AFF2: variants seen among roughly 807,000 people sequenced by gnomAD.
The protein encoded by AFF2 is ALF transcription elongation factor 2, also known as AF4/FMR2 family member 2.
Under a neutral mutation model 76.9 loss-of-function variants are expected in AFF2, and 14 were observed. The ratio of observed to expected loss-of-function variants is 0.18; its 90% confidence interval spans 0.12 to 0.28. The LOEUF (loss-of-function observed/expected upper bound fraction) is 0.28, where lower values mean the gene tolerates loss of function less well. Among genes scored for constraint, AFF2 ranks in the 10% least tolerant of loss-of-function variants. AFF2 has a pLI of 1.00. For missense variants in AFF2, 868 were observed against 1,001.1 expected (o/e 0.87, Z 1.79); for synonymous variants, 398 against 366.7 (o/e 1.09, Z -0.98).
chrX:148,722,437 C>A (rs781863736), intron 3 of AFF2, among the ~76,000 whole-genome samples: 1 of 109,996 alleles, frequency 9.1e-6, no homozygotes, highest in East Asian at 2.9e-4. Flanking sequence ...CACTCAGGCT[C>A]GCAAGAACTC....
chrX:148,958,100 ACAGAGGTT>A (rs1474309943), intron 11 of AFF2, among the ~76,000 whole-genome samples: 1 of 111,846 alleles, frequency 8.9e-6, no homozygotes, highest in Non-Finnish European at 1.9e-5. Context: ...CAGTCTTTAC[ACAGAGGTT>A]CAGATCACAC....
intron 7 of AFF2, among the ~76,000 whole-genome samples, chrX:148,863,860 A>T (rs1456782615): frequency 8.9e-6 from 1 of 111,860 alleles, no homozygotes; most frequent in Non-Finnish European, 1.9e-5. Flanking sequence ...GAGAAGATAA[A>T]TTAAATTCTT....
chrX:148,872,336 G>C (rs1455411144), intron 7 of AFF2, among the ~76,000 whole-genome samples: 1 of 111,232 alleles, frequency 9.0e-6, no homozygotes, highest in Admixed American at 9.6e-5. Context: ...CTACAGATTT[G>C]CCTGTTTTAG....
Position 148,956,570 on chromosome X carries a change from C to G in AFF2, c.2525C>G (p.Thr842Arg). 8.3e-7 allele frequency: 1 copy of G among 1,211,793 alleles called. No individual in the cohort carries two copies. Among genetic ancestry groups the G allele is most frequent in the Non-Finnish European group, 1.1e-6 (1 of 895,522 alleles). The change falls in exon 11 of 21, where the codon ACA (threonine) becomes AGA (arginine). Residue 842 changes from threonine to arginine, a missense_variant. This residue lies in a region of AFF2 where 532 missense variants were observed against 564.2 expected (regional missense o/e 0.94). Coordinates refer to ENST00000370460, the MANE Select transcript of AFF2 (RefSeq NM_002025.4). ...AAACCCAAGCGTCAGACAGCTGTCA[C>G]AGCTGTGGAGAAACCAGCCCCTAAG... ...ATKPKRQTAV[T>R]AVEKPAPKGK...
At chrX:148,663,925 T>C (rs1557258163) in intron 3 of AFF2, among the ~76,000 whole-genome samples, 1 of 112,152 alleles carries the variant, frequency 8.9e-6, no homozygotes. Context: ...ATTTTCTGAA[T>C]GTATGTTTTT....
In AFF2 at chrX:148,662,441, A is replaced by T; in HGVS notation, c.714A>T (p.Ser238=). 1 of 1,211,855 alleles carries T rather than the reference A, an allele frequency of 8.3e-7. No homozygotes were observed. The change falls in exon 3 of 21, where the codon TCA becomes TCT. Residue 238 remains serine (S), a synonymous_variant. Coordinates refer to ENST00000370460, the MANE Select transcript of AFF2 (RefSeq NM_002025.4). The part of the protein sequence containing the change: ...DAFKEIFQSN[S]PEESEFAVQA... ...TCAAAGAAATCTTTCAATCCAATTC[A>T]CCGGAAGAATCTGAATTCGCCGTGC...
intron 1 of AFF2, among the ~76,000 whole-genome samples, chrX:148,647,616 A>G (rs181989250): frequency 1.8e-5 from 2 of 111,594 alleles, no homozygotes; most frequent in African/African-American, 3.3e-5. Flanking sequence ...ATGCAGTCCT[A>G]AGGAAAGGTG....
At chrX:148,719,266 A>C in intron 3 of AFF2, 1 of 1,061,829 alleles carries the variant, frequency 9.4e-7, no homozygotes, top group African/African-American at 1.8e-5. Flanking sequence ...AAGGTCTACA[A>C]TCAGCCAAAG....
At chrX:148,985,133 T>C (rs994829661) in intron 19 of AFF2, among the ~76,000 whole-genome samples, 25 of 108,158 alleles carry the variant, frequency 2.3e-4, no homozygotes, top group East Asian at 1.8e-3. Flanking sequence ...TACAGGCGTG[T>C]GCCACCATGC....
intron 9 of AFF2, among the ~76,000 whole-genome samples, chrX:148,916,196 C>CTTTTTTTTTTTTTTTTTTTTTTT (rs782508166): frequency 2.9e-5 from 1 of 34,038 alleles, no homozygotes; most frequent in African/African-American, 1.2e-4. Flanking sequence ...GTGGTTTTAA[C>CTTTTTTTTTTTTTTTTTTTTTTT]TTTTTTTTTT....
In AFF2 at chrX:148,652,119, G is replaced by A. The variant is rs782665049; in HGVS notation, c.168G>A (p.Lys56=). 8.4e-7 allele frequency: 1 copy of A among 1,196,709 alleles called. No individual in the cohort carries two copies. Among genetic ancestry groups the A allele is most frequent in the East Asian group, 3.0e-5 (1 of 33,716 alleles). Residue 56 remains lysine (K), a synonymous_variant, in exon 2 of 21, where the codon AAG becomes AAA. Coordinates refer to ENST00000370460, the MANE Select transcript of AFF2 (RefSeq NM_002025.4). ...SGFDLFGEPY[K]VAEYTNKGDA... Reference sequence around the variant, plus strand: ...TTGATCTTTTTGGGGAGCCATACAAGGTAGCTGAATATGTATGTAATTTTT... The same window carrying A: ...TTGATCTTTTTGGGGAGCCATACAAAGTAGCTGAATATGTATGTAATTTTT...
chrX:148,591,773 TAAAGTG>T (rs2053524452), intron 1 of AFF2, among the ~76,000 whole-genome samples: 1 of 112,252 alleles, frequency 8.9e-6, no homozygotes, highest in Non-Finnish European at 1.9e-5. Flanking sequence ...ACTTGGCAAA[TAAAGTG>T]AAACACTTTT....
chrX:148,862,729 C>A (rs976007855), intron 7 of AFF2, among the ~76,000 whole-genome samples: 2 of 112,364 alleles, frequency 1.8e-5, no homozygotes, highest in Non-Finnish European at 1.9e-5. Context: ...AAAGCAAATA[C>A]GTTTCTGTGT....
chrX:148,620,054 A>G (rs1293381987), intron 1 of AFF2, among the ~76,000 whole-genome samples: 1 of 111,813 alleles, frequency 8.9e-6, no homozygotes, highest in Non-Finnish European at 1.9e-5. Context: ...GAATGTCGAT[A>G]ACATGAGCGT....
chrX:148,529,178 T>A (rs1267228212), intron 1 of AFF2, among the ~76,000 whole-genome samples: 1 of 112,156 alleles, frequency 8.9e-6, no homozygotes, highest in Non-Finnish European at 1.9e-5. Context: ...ACCAGTGTGA[T>A]GTCCAGGACA....
At chrX:148,506,363 G>A (rs1433631891) in intron 1 of AFF2, among the ~76,000 whole-genome samples, 1 of 111,594 alleles carries the variant, frequency 9.0e-6, no homozygotes, top group Non-Finnish European at 1.9e-5. Context: ...CATTTTTTGT[G>A]TGGATCCGAA....
chrX:148,674,473 G>A (rs925266956), intron 3 of AFF2, among the ~76,000 whole-genome samples: 4 of 111,920 alleles, frequency 3.6e-5, no homozygotes, highest in African/African-American at 6.5e-5. Flanking sequence ...CTATAGTCAA[G>A]GAAGAACTGG....
chrX:148,569,933 G>GA (rs2124323639), intron 1 of AFF2, among the ~76,000 whole-genome samples: 1 of 111,850 alleles, frequency 8.9e-6, no homozygotes, highest in African/African-American at 3.2e-5. Context: ...AAGGATAGCT[G>GA]TCAGTAAAAT....
chrX:148,586,048 A>G (rs548291580), intron 1 of AFF2, among the ~76,000 whole-genome samples: 2 of 110,775 alleles, frequency 1.8e-5, no homozygotes, highest in Admixed American at 9.7e-5. Flanking sequence ...TAAAATGTAT[A>G]TCAGTCCATT....
Sources: gnomAD v4.1 joint callset for allele counts (sites outside exome capture counted in the v4.1 genomes callset) on GRCh38, gnomAD v4.1.1 for gene constraint, gnomAD v4.1.1 regional missense constraint, MANE v1.5 for transcripts, NCBI Gene and HGNC (gene_info 2026-07-23, HGNC 2026-07-21) for gene names.